The following FAM107B variants were observed in gnomAD, a reference collection of about 807,000 sequenced individuals.
The protein encoded by FAM107B is family with sequence similarity 107 member B, also known as protein FAM107B.
In FAM107B, 21 loss-of-function variants were observed where a neutral mutation model predicts 31.5. The ratio of observed to expected loss-of-function variants is 0.67; its 90% CI spans 0.47 to 0.96. The LOEUF is 0.96. FAM107B is among the 40% of genes least tolerant of loss of function. The pLI, the probability that FAM107B is intolerant of heterozygous loss-of-function variation, is 0.00. For missense variants in FAM107B, 452 were observed against 377.1 expected (o/e 1.20, Z -1.64); for synonymous variants, 157 against 141.5 (o/e 1.11, Z -0.78).
At chr10:14,533,364 TC>T (rs1174280423) in intron 2 of FAM107B, among the ~76,000 whole-genome samples, 1 of 152,146 alleles carries the variant, frequency 6.6e-6, no homozygotes, top group Non-Finnish European at 1.5e-5. Context: ...CTTGGAGGTT[TC>T]CGGCCTGAGC....
intron 2 of FAM107B, among the ~76,000 whole-genome samples, chr10:14,553,102 T>C (rs544284340): frequency 6.6e-4 from 100 of 152,346 alleles, no homozygotes; most frequent in African/African-American, 2.3e-3. Context: ...ATATTACTGA[T>C]AGTAAGACAT....
intron 1 of FAM107B, among the ~76,000 whole-genome samples, chr10:14,672,447 T>C (rs1411862002): frequency 1.3e-5 from 2 of 152,248 alleles, no homozygotes; most frequent in Non-Finnish European, 2.9e-5. Context: ...GTACCAAGAA[T>C]GTACTATTAA....
At chr10:14,643,600 G>A (rs1853682661) in intron 2 of FAM107B, among the ~76,000 whole-genome samples, 1 of 152,050 alleles carries the variant, frequency 6.6e-6, no homozygotes, top group Admixed American at 6.5e-5. Context: ...AGTAGAGACA[G>A]GGTTTTACCC....
chr10:14,649,031 C>T (rs951362672), intron 2 of FAM107B, among the ~76,000 whole-genome samples: 2 of 152,132 alleles, frequency 1.3e-5, no homozygotes, highest in Admixed American at 1.3e-4. Flanking sequence ...AATTCTAAGC[C>T]CCACAACCAG....
intron 3 of FAM107B, among the ~76,000 whole-genome samples, chr10:14,525,803 T>C (rs1460643503): frequency 6.6e-6 from 1 of 152,252 alleles, no homozygotes; most frequent in African/African-American, 2.4e-5. Context: ...GCGGAGTTGC[T>C]GGCTAAGCAT....
chr10:14,674,696 G>A (rs1485431011), intron 1 of FAM107B, among the ~76,000 whole-genome samples: 2 of 152,204 alleles, frequency 1.3e-5, no homozygotes, highest in African/African-American at 4.8e-5. Flanking sequence ...CTACAGGTAT[G>A]TTTTGTAAAC....
chr10:14,697,070 G>C (rs753216558), intron 1 of FAM107B, among the ~76,000 whole-genome samples: 3 of 152,190 alleles, frequency 2.0e-5, no homozygotes, highest in Non-Finnish European at 4.4e-5. Context: ...GAGGCACAGG[G>C]AGAAAGGTCA....
intron 1 of FAM107B, among the ~76,000 whole-genome samples, chr10:14,714,444 A>G (rs752755977): frequency 2.6e-5 from 4 of 152,198 alleles, no homozygotes; most frequent in Non-Finnish European, 5.9e-5. Flanking sequence ...TGAAAATAAG[A>G]TGCAAATGGC....
intron 2 of FAM107B, among the ~76,000 whole-genome samples, chr10:14,658,706 T>C (rs1854138971): frequency 1.3e-5 from 2 of 152,238 alleles, no homozygotes; most frequent in Admixed American, 6.5e-5. Flanking sequence ...TTGATTCATC[T>C]ACTTGCTTCA....
chr10:14,599,204 A>C (rs1852284444), intron 2 of FAM107B, among the ~76,000 whole-genome samples: 1 of 151,866 alleles, frequency 6.6e-6, no homozygotes, highest in Non-Finnish European at 1.5e-5. Context: ...CACATACATA[A>C]CCTGAGGGTT....
chr10:14,743,040 T>TA (rs1376763143), intron 1 of FAM107B, among the ~76,000 whole-genome samples: 1 of 152,212 alleles, frequency 6.6e-6, no homozygotes, highest in African/African-American at 2.4e-5. Context: ...CCACCTCTGT[T>TA]AATTTGACCC....
chr10:14,676,548 AT>A (rs1854686943), intron 1 of FAM107B, among the ~76,000 whole-genome samples: 1 of 152,226 alleles, frequency 6.6e-6, no homozygotes, highest in South Asian at 2.1e-4. Flanking sequence ...ACATCCCACA[AT>A]AAAAATTCAA....
At chr10:14,719,905 G>C (rs934139839) in intron 1 of FAM107B, among the ~76,000 whole-genome samples, 11 of 152,206 alleles carry the variant, frequency 7.2e-5, no homozygotes, top group African/African-American at 2.7e-4. Flanking sequence ...GTTGTCTCCA[G>C]TTCTCTGTGT....
chr10:14,575,213 T>G (rs1029975523), intron 2 of FAM107B, among the ~76,000 whole-genome samples: 3 of 151,350 alleles, frequency 2.0e-5, no homozygotes, highest in Non-Finnish European at 3.0e-5. Flanking sequence ...GTTTTTTTGT[T>G]TTTTTTTTGA....
intron 1 of FAM107B, among the ~76,000 whole-genome samples, chr10:14,710,211 T>C (rs1855609516): frequency 6.6e-6 from 1 of 152,034 alleles, no homozygotes; most frequent in Non-Finnish European, 1.5e-5. Flanking sequence ...GATTTTCTTG[T>C]AAACCTAAAA....
intron 2 of FAM107B, among the ~76,000 whole-genome samples, chr10:14,561,578 C>T (rs950580538): frequency 1.3e-5 from 2 of 152,260 alleles, no homozygotes; most frequent in East Asian, 1.9e-4. Flanking sequence ...AGGCTTCCTA[C>T]CCTCAAAACC....
At chr10:14,709,893 A>G (rs1359814673) in intron 1 of FAM107B, among the ~76,000 whole-genome samples, 1 of 152,208 alleles carries the variant, frequency 6.6e-6, no homozygotes, top group Non-Finnish European at 1.5e-5. Context: ...GACAGTAAAA[A>G]GATAGCAGTT....
intron 2 of FAM107B, among the ~76,000 whole-genome samples, chr10:14,634,270 G>A (rs570061704): frequency 9.2e-5 from 14 of 151,922 alleles, no homozygotes; most frequent in African/African-American, 3.4e-4. Context: ...CGTGGTGGCG[G>A]GTGCCTATAG....
chr10:14,765,163 GA>G (rs1833137673), intron 1 of FAM107B, among the ~76,000 whole-genome samples: 1 of 152,168 alleles, frequency 6.6e-6, no homozygotes, highest in Non-Finnish European at 1.5e-5. Flanking sequence ...ATTTCTAACT[GA>G]ATTGGAAATG....
Sources: allele counts gnomAD v4.1 joint callset (sites outside exome capture counted in the v4.1 genomes callset), GRCh38; gene constraint gnomAD v4.1.1; transcripts MANE v1.5; gene names NCBI Gene and HGNC (gene_info 2026-07-23, HGNC 2026-07-21).